Variants in PDRG1 observed in about 807,000 individuals in gnomAD.
PDRG1 encodes the protein p53 and DNA damage regulated 1.
A neutral mutation model predicts 18.4 loss-of-function variants in PDRG1; 14 were observed. The observed-to-expected ratio is 0.76, with a 90% confidence interval of 0.50 to 1.19. The LOEUF (loss-of-function observed/expected upper bound fraction) is 1.19, where lower values mean the gene tolerates loss of function less well. Ranked by LOEUF, PDRG1 falls within the 50% of genes most tolerant of loss-of-function variation. The pLI, the probability that PDRG1 is intolerant of heterozygous loss-of-function variation, is 0.00. For synonymous variants in PDRG1, 65 were observed against 60.9 expected (o/e 1.07, Z -0.31); for missense variants, 177 against 160.1 (o/e 1.11, Z -0.57).
Position 31,945,790 on chromosome 20 carries a change from A to G in PDRG1, c.*17T>C, listed in dbSNP as rs1390576718. 1.2e-6 allele frequency: 2 copies of G among 1,606,874 alleles called. No individual in the cohort carries two copies. Among genetic ancestry groups the G allele is most frequent in the African/African-American group, 1.3e-5 (1 of 74,724 alleles). ...GACCCTGGGGGGTTGCTGGTCCCCCATCTTGGTTCTTGAGTCTCATCCTTT... is the reference window on the plus strand; with the variant it reads ...GACCCTGGGGGGTTGCTGGTCCCCCGTCTTGGTTCTTGAGTCTCATCCTTT... On this transcript the variant is annotated 3_prime_UTR_variant, in exon 5 of 5. Coordinates refer to ENST00000202017, the MANE Select transcript of PDRG1 (RefSeq NM_030815.3).
At position 31,946,495 on chromosome 20, in the gene PDRG1, C is replaced by T; in HGVS notation, c.319+1G>A. 1.2e-6 allele frequency: 2 copies of T among 1,601,594 alleles called. No homozygotes were observed. The highest frequency in any genetic ancestry group is 1.7e-6 in the Non-Finnish European group (2 of 1,168,656). On this transcript the variant is annotated splice_donor_variant, in intron 4 of 4. Coordinates refer to ENST00000202017, the MANE Select transcript of PDRG1 (RefSeq NM_030815.3). LOFTEE classifies it high-confidence loss of function. ...ATCTCCAGTCCCTGCTAAGCCAATA[C>T]CTTGGGCCTCAAAAAGGCGGTTGAC...
intron 2 of PDRG1, 109 bp downstream of exon 2, chr20:31,950,203 G>A: frequency 1.1e-6 from 1 of 883,152 alleles, no homozygotes; most frequent in Non-Finnish European, 1.8e-6. Context: ...CCACAAGGCT[G>A]AGTTATACAG....
chr20:31,949,550 T>C (rs1169219959), intron 2 of PDRG1, among the ~76,000 whole-genome samples: 4 of 151,766 alleles, frequency 2.6e-5, no homozygotes, highest in Non-Finnish European at 5.9e-5. Context: ...CCAGTCTGGG[T>C]GACAGAGCAA....
chr20:31,951,969 A>C lies in PDRG1; in HGVS notation c.-8T>G. 2 of 1,553,690 alleles carry C rather than the reference A, an allele frequency of 1.3e-6. No homozygotes were observed. Among genetic ancestry groups the C allele is most frequent in the Non-Finnish European group, 1.7e-6 (2 of 1,152,794 alleles). On this transcript the variant is annotated 5_prime_UTR_variant, in exon 1 of 5. Transcript: ENST00000202017. ...TGCCTCGGGTGATAGCATAGCGCCC[A>C]CCAACTCCGCTTGCGGCTCTCGCGC...
Position 31,945,165 on chromosome 20 carries a change from G to A in PDRG1, c.*642C>T, listed in dbSNP as rs1320959439. The A allele has an allele frequency of 6.6e-6, 1 of 152,414 alleles. No homozygotes were observed. The highest frequency in any genetic ancestry group is 1.5e-5 in the Non-Finnish European group (1 of 68,164). The allele number at this position is 152,414 out of a possible 1,614,324, so 9.4% of individuals were successfully genotyped here. On this transcript the variant is annotated 3_prime_UTR_variant, in exon 5 of 5. Transcript: ENST00000202017. ...CATCCACTCACCCAGGCCTGGTGCA[G>A]GACTCTGCAAGGCCCTCCTGAGTAA...
intron 3 of PDRG1, among the ~76,000 whole-genome samples, chr20:31,946,918 T>C (rs1186861779): frequency 6.6e-6 from 1 of 152,148 alleles, no homozygotes; most frequent in Non-Finnish European, 1.5e-5. Context: ...ACAAACAAAA[T>C]AAGCATCTCT....
At chr20:31,950,860 A>C (rs889420468) in intron 1 of PDRG1, among the ~76,000 whole-genome samples, 6 of 152,186 alleles carry the variant, frequency 3.9e-5, no homozygotes, top group Admixed American at 1.3e-4. Flanking sequence ...GAAGTGACGC[A>C]GTAGTACAGT....
chr20:31,945,574 A>G lies in PDRG1; in HGVS notation c.*233T>C. ...CACTGGTGGCTACCAAGGCCCGTCAATAGATCTTGTGTCCACCGAGCCCTG... is the reference window on the plus strand; with the variant it reads ...CACTGGTGGCTACCAAGGCCCGTCAGTAGATCTTGTGTCCACCGAGCCCTG... On this transcript the variant is annotated 3_prime_UTR_variant, in exon 5 of 5. Coordinates refer to ENST00000202017, the MANE Select transcript of PDRG1 (RefSeq NM_030815.3). 1 of 454,400 alleles carries G rather than the reference A, an allele frequency of 2.2e-6. No individual in the cohort carries two copies. The highest frequency in any genetic ancestry group is 3.1e-5 in the South Asian group (1 of 32,558). The allele number at this position is 454,400 out of a possible 1,614,324, so 28.1% of individuals were successfully genotyped here.
intron 1 of PDRG1, among the ~76,000 whole-genome samples, chr20:31,950,840 A>G (rs1449940142): frequency 1.3e-5 from 2 of 152,142 alleles, no homozygotes; most frequent in Admixed American, 6.5e-5. Flanking sequence ...ACAACACAAT[A>G]GCTACTAAGG....
rs201742382 is a variant in PDRG1, at chr20:31,951,965, G to T, written c.-4C>A. 57 of 1,560,700 alleles carry T rather than the reference G, an allele frequency of 3.7e-5. 1 individual carries two copies. The Middle Eastern group carries it at 8.4e-4, about 23-fold the overall frequency. ...GCTCTGCCTCGGGTGATAGCATAGC[G>T]CCCACCAACTCCGCTTGCGGCTCTC... is the stretch of plus-strand genomic sequence containing the variant. On this transcript the variant is annotated 5_prime_UTR_variant, in exon 1 of 5. Transcript: ENST00000202017.
At position 31,951,867 on chromosome 20, in the gene PDRG1, C is replaced by G. The variant is rs760894519; in HGVS notation, c.87+8G>C. 6.4e-7 allele frequency: 1 copy of G among 1,572,884 alleles called. No individual in the cohort carries two copies. Among genetic ancestry groups the G allele is most frequent in the African/African-American group, 1.4e-5 (1 of 72,894 alleles). ...GCCAGGCCCCAGCGCCGCGGAGGGG[C>G]CTCTCACCTGCCGCTTGTCCGCCAG... On this transcript the variant is annotated splice_region_variant and intron_variant, in intron 1 of 4. Coordinates refer to ENST00000202017, the MANE Select transcript of PDRG1 (RefSeq NM_030815.3).
At chr20:31,946,403 A>T in intron 4 of PDRG1, 93 bp downstream of exon 4, 2 of 1,219,358 alleles carry the variant, frequency 1.6e-6, no homozygotes, top group South Asian at 2.5e-5. Context: ...GACACTGCCC[A>T]TCTCTGAGGG....
chr20:31,949,540 CCA>C (rs949502350), intron 2 of PDRG1, among the ~76,000 whole-genome samples: 2 of 151,906 alleles, frequency 1.3e-5, no homozygotes, highest in Non-Finnish European at 2.9e-5. Context: ...CCACTGCACT[CCA>C]GTCTGGGTGA....
chr20:31,951,469 C>A (rs952827154), intron 1 of PDRG1, among the ~76,000 whole-genome samples: 2 of 152,126 alleles, frequency 1.3e-5, no homozygotes, highest in Admixed American at 1.3e-4. Flanking sequence ...AAACAAGACA[C>A]CCCATAAACA....
chr20:31,944,387 T>C lies in PDRG1; in HGVS notation c.*1420A>G, dbSNP rs899121884. ...TTTATTTACATTTTAAAATAAGCAATATATTCATACGGTTTAAAATCCAAA... is the reference window on the plus strand; with the variant it reads ...TTTATTTACATTTTAAAATAAGCAACATATTCATACGGTTTAAAATCCAAA... On this transcript the variant is annotated 3_prime_UTR_variant, in exon 5 of 5. Transcript: ENST00000202017. 1 of 156,278 alleles carries C rather than the reference T, an allele frequency of 6.4e-6. No homozygotes were observed. Among genetic ancestry groups the C allele is most frequent in the Non-Finnish European group, 1.4e-5 (1 of 70,288 alleles). The allele number at this position is 156,278 out of a possible 1,614,324, so 9.7% of individuals were successfully genotyped here. A position where few individuals can be genotyped will look rare whatever the true frequency, so the allele number is the denominator to read the frequency against.
chr20:31,950,278 C>T (rs1242873756), intron 2 of PDRG1, 34 bp downstream of exon 2: 1 of 1,505,450 alleles, frequency 6.6e-7, no homozygotes, highest in Admixed American at 1.7e-5. Context: ...ACGGAACAGG[C>T]CTCCAGGGCT....
chr20:31,947,054 C>A (rs1484091335), intron 3 of PDRG1, among the ~76,000 whole-genome samples: 1 of 152,166 alleles, frequency 6.6e-6, no homozygotes, highest in Non-Finnish European at 1.5e-5. Context: ...ACAATCAACA[C>A]GCAAGCAATG....
rs575764079 is a variant in PDRG1 at position 31,951,535 on chromosome 20, CT to C, written c.87+339del. Among the ~76,000 whole-genome samples the C allele has an allele frequency of 2.8e-3, 426 of 152,304 alleles. 1 individual carries two copies. The highest frequency in any genetic ancestry group is 0.01 in the African/African-American group (419 of 41,548). ...TGCCCGGTCACAAGGCCCCCTCAGG[CT>C]TCTTTTCGGTTCCAGCTCTCCCCTG... is the stretch of plus-strand genomic sequence containing the variant. On this transcript the variant is annotated intron_variant, in intron 1 of 4. Transcript: ENST00000202017.
intron 2 of PDRG1, among the ~76,000 whole-genome samples, chr20:31,950,022 G>C (rs1266684064): frequency 3.3e-5 from 5 of 152,106 alleles, no homozygotes; most frequent in Non-Finnish European, 5.9e-5. Flanking sequence ...TAAAGCACAA[G>C]GGCAGGAACC....
Sources: allele counts gnomAD v4.1 joint callset (sites outside exome capture counted in the v4.1 genomes callset), GRCh38; gene constraint gnomAD v4.1.1; transcripts MANE v1.5; gene names NCBI Gene and HGNC (gene_info 2026-07-23, HGNC 2026-07-21).